The following PCDH15 variants were observed in gnomAD, a reference collection of about 807,000 sequenced individuals.
The protein encoded by PCDH15 is protocadherin-15.
A neutral mutation model predicts 178.5 loss-of-function variants in PCDH15; 129 were observed. The observed-to-expected ratio is 0.72, with a 90% CI of 0.63 to 0.84. The LOEUF is 0.84. Among genes scored for constraint, PCDH15 ranks in the 40% least tolerant of loss-of-function variants. The pLI is 0.00. For missense variants in PCDH15, 2,230 were observed against 2,099.9 expected (o/e 1.06, Z -1.21); for synonymous variants, 800 against 732.0 (o/e 1.09, Z -1.50).
At chr10:55,298,494 C>T (rs114706252) in intron 1 of PCDH15, among the ~76,000 whole-genome samples, 1,748 of 152,208 alleles carry the variant, frequency 0.011, 28 homozygotes, top group African/African-American at 0.038. Flanking sequence ...ATGAACAAAA[C>T]CATAAATCTT....
At chr10:54,065,845 C>G (rs2094126853) in intron 18 of PCDH15, among the ~76,000 whole-genome samples, 1 of 152,190 alleles carries the variant, frequency 6.6e-6, no homozygotes, top group Non-Finnish European at 1.5e-5. Flanking sequence ...TAAAGCAACC[C>G]TCTCCTTTTG....
intron 2 of PCDH15, among the ~76,000 whole-genome samples, chr10:55,474,725 C>T (rs1840029762): frequency 6.6e-6 from 1 of 152,134 alleles, no homozygotes; most frequent in African/African-American, 2.4e-5. Context: ...TGCTGCCTCT[C>T]AATTGCAGCT....
intron 2 of PCDH15, among the ~76,000 whole-genome samples, chr10:55,030,803 G>C (rs544093592): frequency 6.6e-6 from 1 of 152,192 alleles, no homozygotes; most frequent in African/African-American, 2.4e-5. Context: ...GAATGGATCA[G>C]AATAATGATG....
chr10:54,295,905 G>A (rs2059733294), intron 8 of PCDH15, among the ~76,000 whole-genome samples: 2 of 151,200 alleles, frequency 1.3e-5, no homozygotes, highest in South Asian at 4.2e-4. Flanking sequence ...AGCACTTTGG[G>A]AGGCCGAGGC....
intron 15 of PCDH15, among the ~76,000 whole-genome samples, chr10:54,094,859 A>T (rs924715830): frequency 6.6e-6 from 1 of 152,178 alleles, no homozygotes; most frequent in Admixed American, 6.5e-5. Flanking sequence ...CATCTGACTT[A>T]GAGTCCCTGA....
At chr10:55,083,904 T>C (rs1842102186) in intron 2 of PCDH15, among the ~76,000 whole-genome samples, 1 of 151,594 alleles carries the variant, frequency 6.6e-6, no homozygotes, top group African/African-American at 2.4e-5. Context: ...CTATAAAACA[T>C]TGACACAAGA....
At chr10:53,992,093 G>A (rs2091541532) in intron 21 of PCDH15, among the ~76,000 whole-genome samples, 2 of 152,090 alleles carry the variant, frequency 1.3e-5, no homozygotes, top group African/African-American at 2.4e-5. Flanking sequence ...TCACTCCTGA[G>A]GCCAGCGAGA....
At chr10:54,260,503 T>C (rs2057236289) in intron 8 of PCDH15, among the ~76,000 whole-genome samples, 1 of 77,262 alleles carries the variant, frequency 1.3e-5, no homozygotes, top group African/African-American at 4.2e-5. Context: ...GTTTTTCATT[T>C]TAATGATTTA....
At chr10:53,822,781 C>T (rs777414603) in intron 32 of PCDH15, 1 of 1,614,068 alleles carries the variant, frequency 6.2e-7, no homozygotes, top group South Asian at 1.1e-5. Context: ...TGTTCTGTTC[C>T]TTCTATCATC....
At chr10:55,418,085 C>G (rs1275478163) in intron 2 of PCDH15, among the ~76,000 whole-genome samples, 1 of 151,526 alleles carries the variant, frequency 6.6e-6, no homozygotes, top group Non-Finnish European at 1.5e-5. Context: ...GGACTCAAAG[C>G]ATCTAAATCA....
chr10:55,378,522 T>C (rs1317541562), intron 2 of PCDH15, among the ~76,000 whole-genome samples: 2 of 152,162 alleles, frequency 1.3e-5, no homozygotes, highest in African/African-American at 4.8e-5. Context: ...TGAAGGGATA[T>C]GCTTAACTTT....
chr10:54,175,940 G>C (rs1479710186), intron 13 of PCDH15, among the ~76,000 whole-genome samples: 3 of 151,872 alleles, frequency 2.0e-5, no homozygotes, highest in Non-Finnish European at 2.9e-5. Flanking sequence ...AACTACCTAT[G>C]AATAATTACC....
intron 18 of PCDH15, among the ~76,000 whole-genome samples, chr10:54,045,801 C>T (rs543086751): frequency 6.6e-6 from 1 of 151,880 alleles, no homozygotes; most frequent in East Asian, 1.9e-4. Flanking sequence ...TAAGCAAGGT[C>T]AAAAGAATAG....
intron 23 of PCDH15, among the ~76,000 whole-genome samples, chr10:53,942,166 T>C (rs2086121967): frequency 6.6e-6 from 1 of 152,246 alleles, no homozygotes; most frequent in African/African-American, 2.4e-5. Context: ...ATATATTCAT[T>C]GCATGAGCAA....
chr10:55,007,947 TATAAA>T (rs1839971040), intron 2 of PCDH15, among the ~76,000 whole-genome samples: 1 of 152,172 alleles, frequency 6.6e-6, no homozygotes, highest in Non-Finnish European at 1.5e-5. Context: ...TTTTACAACT[TATAAA>T]AGACATTTTA....
At chr10:54,135,307 T>C (rs1458563655) in intron 14 of PCDH15, among the ~76,000 whole-genome samples, 1 of 152,250 alleles carries the variant, frequency 6.6e-6, no homozygotes, top group Non-Finnish European at 1.5e-5. Context: ...AATATCTGTA[T>C]TCATTTCTGC....
chr10:55,283,984 T>C (rs532362449), intron 1 of PCDH15, among the ~76,000 whole-genome samples: 4 of 147,738 alleles, frequency 2.7e-5, no homozygotes, highest in East Asian at 1.9e-4. Context: ...CATGGCTTTG[T>C]ATATTACAGT....
rs369356159 is a variant in PCDH15, at chr10:55,139,788, CTT to C, written c.-80+26786_-80+26787del. Among the ~76,000 whole-genome samples the C allele has an allele frequency of 9.2e-5, 14 of 151,896 alleles. No individual in the cohort carries two copies. In the East Asian group the frequency reaches 2.1e-3, roughly 23 times the overall value. Reference sequence around the variant, plus strand: ...TATTTTCTTTGCTTCTATAAATAAACTTGGGAATCATTTAATCTATATAATAT... The same window carrying C: ...TATTTTCTTTGCTTCTATAAATAAACGGGAATCATTTAATCTATATAATAT... On this transcript the variant is annotated intron_variant, in intron 2 of 5. Coordinates refer to the PCDH15 transcript ENST00000458638.
At chr10:54,993,376 C>A (rs542178217) in intron 2 of PCDH15, among the ~76,000 whole-genome samples, 51 of 152,246 alleles carry the variant, frequency 3.3e-4, no homozygotes, top group African/African-American at 9.6e-4. Flanking sequence ...AGAAATGCAA[C>A]TGCAATATCT....
Sources: allele counts gnomAD v4.1 joint callset (sites outside exome capture counted in the v4.1 genomes callset), GRCh38; gene constraint gnomAD v4.1.1; transcripts MANE v1.5; gene names NCBI Gene and HGNC (gene_info 2026-07-23, HGNC 2026-07-21).